Variants in GABRG3 observed in about 807,000 individuals in gnomAD.
GABRG3 encodes the protein gamma-aminobutyric acid receptor subunit gamma-3.
Under a neutral mutation model 48.8 loss-of-function variants are expected in GABRG3, and 25 were observed. The observed-to-expected ratio is 0.51, with a 90% CI of 0.37 to 0.72. The LOEUF is 0.72. GABRG3 is among the 30% of genes least tolerant of loss of function. The probability of loss-of-function intolerance (pLI) is 0.00; values close to 1 mark genes in which losing one functional copy is unlikely to be tolerated. For missense variants in GABRG3, 394 were observed against 577.9 expected (o/e 0.68, Z 3.26); for synonymous variants, 227 against 217.6 (o/e 1.04, Z -0.38).
intron 3 of GABRG3, among the ~76,000 whole-genome samples, chr15:27,184,126 T>C (rs1312406070): frequency 6.6e-6 from 1 of 152,238 alleles, no homozygotes; most frequent in Admixed American, 6.5e-5. Flanking sequence ...AATAAAGTTT[T>C]AGCGAAGTGA....
intron 3 of GABRG3, among the ~76,000 whole-genome samples, chr15:27,307,879 GTT>G (rs1892720639): frequency 1.3e-5 from 1 of 76,710 alleles, no homozygotes; most frequent in African/African-American, 5.8e-5. Context: ...AAATGTATAT[GTT>G]TATATATAAA....
At chr15:27,423,463 C>G (rs1198581591) in intron 5 of GABRG3, among the ~76,000 whole-genome samples, 1 of 151,550 alleles carries the variant, frequency 6.6e-6, no homozygotes, top group Admixed American at 6.6e-5. Flanking sequence ...AGTCTATTAT[C>G]AAATCTGGAC....
At chr15:27,324,543 G>A (rs1893540160) in intron 3 of GABRG3, among the ~76,000 whole-genome samples, 2 of 152,150 alleles carry the variant, frequency 1.3e-5, no homozygotes, top group South Asian at 2.1e-4. Context: ...GGTAAAGTGG[G>A]CATTGGATAA....
chr15:27,308,091 T>C (rs1365263365), intron 3 of GABRG3, among the ~76,000 whole-genome samples: 3 of 133,518 alleles, frequency 2.2e-5, no homozygotes, highest in South Asian at 2.4e-4. Context: ...CATCCAAACA[T>C]ATATAAACAT....
At chr15:27,470,692 ACT>A (rs1250303994) in intron 5 of GABRG3, among the ~76,000 whole-genome samples, 1 of 149,976 alleles carries the variant, frequency 6.7e-6, no homozygotes, top group Non-Finnish European at 1.5e-5. Flanking sequence ...TTACATATTA[ACT>A]CTGTTTTCCC....
chr15:27,331,186 C>G (rs1476925532), intron 5 of GABRG3, among the ~76,000 whole-genome samples: 1 of 152,282 alleles, frequency 6.6e-6, no homozygotes, highest in Non-Finnish European at 1.5e-5. Flanking sequence ...CCTGGGTCGT[C>G]TCTTACAGAA....
intron 3 of GABRG3, among the ~76,000 whole-genome samples, chr15:27,096,821 T>C (rs955049143): frequency 2.7e-5 from 4 of 149,640 alleles, no homozygotes; most frequent in African/African-American, 9.9e-5. Context: ...AATGAGATTC[T>C]TTTCTTTTCT....
intron 3 of GABRG3, among the ~76,000 whole-genome samples, chr15:27,259,209 CTT>C (rs905853518): frequency 6.6e-6 from 1 of 152,152 alleles, no homozygotes; most frequent in African/African-American, 2.4e-5. Flanking sequence ...TGCAGTATCT[CTT>C]TGATGTACTG....
chr15:27,287,861 C>G (rs189334754), intron 3 of GABRG3, among the ~76,000 whole-genome samples: 2 of 151,400 alleles, frequency 1.3e-5, no homozygotes, highest in African/African-American at 4.9e-5. Context: ...GCCTCAGTCT[C>G]CCAAGTAGCT....
intron 5 of GABRG3, among the ~76,000 whole-genome samples, chr15:27,473,688 G>A (rs1198064290): frequency 6.6e-6 from 1 of 152,140 alleles, no homozygotes; most frequent in African/African-American, 2.4e-5. Flanking sequence ...GGTAATAGAT[G>A]AAATGTATCA....
intron 2 of GABRG3, 135 bp from the exon 3 acceptor site, chr15:27,026,619 C>A: frequency 2.1e-6 from 1 of 483,034 alleles, no homozygotes; most frequent in South Asian, 5.3e-5. Context: ...CAAGAGAAGT[C>A]CCAAAGAAAG....
chr15:27,517,237 G>T (rs1224813247), intron 6 of GABRG3, among the ~76,000 whole-genome samples: 1 of 152,026 alleles, frequency 6.6e-6, no homozygotes, highest in Non-Finnish European at 1.5e-5. Flanking sequence ...TCCATATTGT[G>T]CCCAGCACTG....
At chr15:27,307,925 A>G (rs973412950) in intron 3 of GABRG3, among the ~76,000 whole-genome samples, 1 of 136,692 alleles carries the variant, frequency 7.3e-6, no homozygotes. Flanking sequence ...ATATATAAAC[A>G]TATGCTTGTA....
chr15:27,453,108 A>G (rs1169075835), intron 5 of GABRG3, among the ~76,000 whole-genome samples: 1 of 152,180 alleles, frequency 6.6e-6, no homozygotes, highest in Admixed American at 6.5e-5. Context: ...AGAAGCAGAG[A>G]TTAGAATAGT....
chr15:27,418,768 C>T (rs1331388364), intron 5 of GABRG3: 1 of 152,190 alleles, frequency 6.6e-6, no homozygotes, highest in East Asian at 1.9e-4. Flanking sequence ...GAAGGGGAAC[C>T]TCCGAGCAAT....
At position 27,306,516 on chromosome 15, in the gene GABRG3, CAT is replaced by C. The variant is rs1047226277; in HGVS notation, c.271-20287_271-20286del. Among the ~76,000 whole-genome samples, 976 of 135,116 alleles carry C rather than the reference CAT, an allele frequency of 7.2e-3. 12 individuals carry two copies. The highest frequency in any genetic ancestry group is 0.011 in the Non-Finnish European group (730 of 64,686). The allele number at this position is 135,116 out of a possible 152,430, so 88.6% of individuals were successfully genotyped here. A position where few individuals can be genotyped will look rare whatever the true frequency, so the allele number is the denominator to read the frequency against. ...ATATAAACATATGTCTATATATAAA[CAT>C]ATATAATATAAACATAAACATATAA... On this transcript the variant is annotated intron_variant, in intron 3 of 9. Coordinates refer to ENST00000615808, the MANE Select transcript of GABRG3 (RefSeq NM_033223.5).
At chr15:27,481,596 A>G (rs2150845372) in intron 6 of GABRG3, among the ~76,000 whole-genome samples, 1 of 152,286 alleles carries the variant, frequency 6.6e-6, no homozygotes, top group South Asian at 2.1e-4. Flanking sequence ...TTAATTGTAA[A>G]TATCTTTAAA....
At chr15:27,078,211 T>A (rs1896939869) in intron 3 of GABRG3, among the ~76,000 whole-genome samples, 1 of 152,186 alleles carries the variant, frequency 6.6e-6, no homozygotes, top group Non-Finnish European at 1.5e-5. Flanking sequence ...CCTCATTTGA[T>A]CTGTTGAAGG....
chr15:27,374,077 A>G (rs745436988), intron 5 of GABRG3, among the ~76,000 whole-genome samples: 2 of 148,226 alleles, frequency 1.3e-5, no homozygotes, highest in Non-Finnish European at 3.0e-5. Flanking sequence ...AATTCTAATT[A>G]TCTTTGTCAA....
Sources: allele counts gnomAD v4.1 joint callset (sites outside exome capture counted in the v4.1 genomes callset), GRCh38; gene constraint gnomAD v4.1.1; transcripts MANE v1.5; gene names NCBI Gene and HGNC (gene_info 2026-07-23, HGNC 2026-07-21).